The following TDRD1 variants were observed in gnomAD, a reference collection of about 807,000 sequenced individuals.
The protein encoded by TDRD1 is tudor domain containing 1.
In TDRD1, 37 loss-of-function variants were observed where a neutral mutation model predicts 140.6. The ratio of observed to expected loss-of-function variants is 0.26; its 90% confidence interval spans 0.20 to 0.35. TDRD1 has a LOEUF of 0.35. Ranked by LOEUF, TDRD1 falls within the 10% of genes least tolerant of loss-of-function variation. The pLI is 1.00. For synonymous variants in TDRD1, 506 were observed against 475.7 expected (o/e 1.06, Z -0.83); for missense variants, 1,243 against 1,393.0 (o/e 0.89, Z 1.71).
rs36124319 is a variant in TDRD1 at position 114,196,833 on chromosome 10, C to CTTTTTTTTTTTTT, written c.385-2322_385-2310dup. Among the ~76,000 whole-genome samples, 48 of 48,352 alleles carry CTTTTTTTTTTTTT rather than the reference C, an allele frequency of 9.9e-4. 11 individuals are homozygous for CTTTTTTTTTTTTT. Among genetic ancestry groups the CTTTTTTTTTTTTT allele is most frequent in the Non-Finnish European group, 1.3e-3 (37 of 28,098 alleles). The allele number at this position is 48,352 out of a possible 152,430, so 31.7% of individuals were successfully genotyped here. A position where few individuals can be genotyped will look rare whatever the true frequency, so the allele number is the denominator to read the frequency against. On this transcript the variant is annotated intron_variant, in intron 3 of 25. Transcript: ENST00000251864. Reference sequence around the variant, plus strand: ...ACCAAATTTGGAAGTTTCTAGCAGTCTTTTTTTTTTTTTTTTTTTTTTTTT... The same window carrying CTTTTTTTTTTTTT: ...ACCAAATTTGGAAGTTTCTAGCAGTCTTTTTTTTTTTTTTTTTTTTTTTTTTTTTTTTTTTTTT...
At chr10:114,227,462 C>T (rs1050867359) in intron 23 of TDRD1, among the ~76,000 whole-genome samples, 163 bp downstream of exon 23, 9 of 152,146 alleles carry the variant, frequency 5.9e-5, no homozygotes, top group Non-Finnish European at 1.0e-4. Context: ...CTGGGAGGGC[C>T]GCCTTGATGG....
intron 9 of TDRD1, 127 bp from the exon 10 acceptor site, chr10:114,204,591 GTCTA>G (rs1423483774): frequency 1.2e-5 from 11 of 898,592 alleles, no homozygotes; most frequent in South Asian, 4.0e-5. Context: ...ACAGAAAATT[GTCTA>G]TCTGATTAGT....
intron 11 of TDRD1, among the ~76,000 whole-genome samples, chr10:114,209,302 C>T (rs1417227923): frequency 1.3e-5 from 2 of 152,168 alleles, no homozygotes; most frequent in African/African-American, 4.8e-5. Flanking sequence ...TCTCCCACTC[C>T]ACCTATGTAC....
At chr10:114,174,895 G>C (rs1007850229), upstream of TDRD1, among the ~76,000 whole-genome samples, 1 of 152,224 alleles carries the variant, frequency 6.6e-6, no homozygotes, top group South Asian at 2.1e-4. Flanking sequence ...AGAGAAGGAA[G>C]GTCAGCAGTT....
chr10:114,220,194 T>C (rs557597380), intron 18 of TDRD1, among the ~76,000 whole-genome samples: 3 of 152,356 alleles, frequency 2.0e-5, no homozygotes, highest in East Asian at 3.9e-4. Context: ...TTTGAAGTTA[T>C]TAGAAAACTC....
chr10:114,227,691 G>C (rs1454880380), intron 23 of TDRD1, among the ~76,000 whole-genome samples: 1 of 152,222 alleles, frequency 6.6e-6, no homozygotes, highest in Non-Finnish European at 1.5e-5. Flanking sequence ...ATCAAAAAGA[G>C]AGATGATTGA....
chr10:114,203,980 C>G, intron 8 of TDRD1, 93 bp from the exon 9 acceptor site: 1 of 1,466,818 alleles, frequency 6.8e-7, no homozygotes, highest in Non-Finnish European at 9.2e-7. Flanking sequence ...AGGAGCCTTT[C>G]CTTTGCACGT....
intron 2 of TDRD1, among the ~76,000 whole-genome samples, chr10:114,189,547 C>A (rs1405416518): frequency 6.6e-6 from 1 of 152,122 alleles, no homozygotes; most frequent in Non-Finnish European, 1.5e-5. Flanking sequence ...AAGGACTTCC[C>A]AAGACAGACT....
chr10:114,212,969 A>G (rs1366872129), intron 14 of TDRD1, among the ~76,000 whole-genome samples: 1 of 152,186 alleles, frequency 6.6e-6, no homozygotes, highest in Non-Finnish European at 1.5e-5. Context: ...TAACTAATCT[A>G]CTTTCTGGCT....
chr10:114,228,268 A>T (rs530918604), intron 25 of TDRD1: 1 of 1,425,110 alleles, frequency 7.0e-7, no homozygotes, highest in Non-Finnish European at 9.2e-7. Flanking sequence ...AGGTTTGGTC[A>T]TAATGCTTCT....
intron 20 of TDRD1, 46 bp from the exon 21 acceptor site, chr10:114,222,541 A>G: frequency 8.8e-7 from 1 of 1,140,696 alleles, no homozygotes; most frequent in Non-Finnish European, 1.3e-6. Context: ...TGTTAATAGT[A>G]GCACTGGAAA....
intron 1 of TDRD1, among the ~76,000 whole-genome samples, chr10:114,185,623 T>C (rs907399769): frequency 3.7e-4 from 57 of 152,296 alleles, no homozygotes; most frequent in African/African-American, 1.3e-3. Context: ...GTTTTGCTCT[T>C]GTTGCCCAGG....
chr10:114,230,172 GTTC>G (rs1344074632), intron 25 of TDRD1, among the ~76,000 whole-genome samples: 4 of 152,136 alleles, frequency 2.6e-5, no homozygotes, highest in Middle Eastern at 3.2e-3. Context: ...TGGCCTGTAT[GTTC>G]TTCTTATCTG....
At chr10:114,213,748 A>T (rs1472510280) in intron 15 of TDRD1, among the ~76,000 whole-genome samples, 160 bp downstream of exon 15, 3 of 152,208 alleles carry the variant, frequency 2.0e-5, no homozygotes, top group Non-Finnish European at 4.4e-5. Context: ...GAAAAATAAA[A>T]TTTTATGGGG....
rs530587415 is a variant in TDRD1, at chr10:114,205,839, T to C, written c.1298-405T>C. 2.6e-5 allele frequency among the ~76,000 whole-genome samples: 4 copies of C among 152,284 alleles called. No individual in the cohort carries two copies. The East Asian group carries it at 7.7e-4, about 29-fold the overall frequency. ...TAGGGTGACTGTAGTCAATAATAAT[T>C]GTACATTTTAAAGTAACTTAGACTG... On this transcript the variant is annotated intron_variant, in intron 10 of 25. Coordinates refer to ENST00000251864, the Ensembl canonical transcript of TDRD1.
At chr10:114,187,728 C>G (rs1285240968) in intron 1 of TDRD1, 98 bp from the exon 2 acceptor site, 1 of 1,107,706 alleles carries the variant, frequency 9.0e-7, no homozygotes, top group Non-Finnish European at 1.3e-6. Context: ...TAGGCATTAT[C>G]TGTTACGTAA....
At chr10:114,211,227 C>T (rs547686707) in intron 13 of TDRD1, among the ~76,000 whole-genome samples, 5 of 152,236 alleles carry the variant, frequency 3.3e-5, no homozygotes, top group Admixed American at 6.5e-5. Context: ...GTTATTTTGT[C>T]AGCCTTTTGG....
chr10:114,228,334 A>AC, intron 25 of TDRD1: 1 of 1,329,030 alleles, frequency 7.5e-7, no homozygotes, highest in Non-Finnish European at 9.6e-7. Flanking sequence ...ATGGAACTGA[A>AC]CCCCCAGGGG....
At chr10:114,185,231 C>T (rs2033421572) in intron 1 of TDRD1, among the ~76,000 whole-genome samples, 1 of 152,158 alleles carries the variant, frequency 6.6e-6, no homozygotes. Context: ...ATTCTGTTGC[C>T]CAGATTGGCG....
Sources: gnomAD v4.1 joint callset for allele counts (sites outside exome capture counted in the v4.1 genomes callset) on GRCh38, gnomAD v4.1.1 for gene constraint, MANE v1.5 for transcripts, NCBI Gene and HGNC (gene_info 2026-07-23, HGNC 2026-07-21) for gene names.